The following SDK1 variants were observed in gnomAD, a reference collection of about 807,000 sequenced individuals.
The protein encoded by SDK1 is protein sidekick-1.
SDK1 carries 157 observed loss-of-function variants against 245.5 expected under a neutral mutation model. The observed-to-expected ratio is 0.64, with a 90% CI of 0.56 to 0.73. The LOEUF is 0.73. SDK1 is among the 30% of genes least tolerant of loss of function. The pLI is 0.00. For missense variants in SDK1, 3,583 were observed against 3,002.3 expected (o/e 1.19, Z -4.52); for synonymous variants, 1,647 against 1,278.5 (o/e 1.29, Z -6.15).
chr7:3,509,883 C>A (rs931623227), intron 1 of SDK1, among the ~76,000 whole-genome samples: 1 of 152,128 alleles, frequency 6.6e-6, no homozygotes, highest in Non-Finnish European at 1.5e-5. Flanking sequence ...TCAGACTGCA[C>A]GTTAGAATCA....
chr7:3,579,538 C>G (rs965209759), intron 1 of SDK1, among the ~76,000 whole-genome samples: 1 of 152,164 alleles, frequency 6.6e-6, no homozygotes, highest in Non-Finnish European at 1.5e-5. Flanking sequence ...ATAATAAGAG[C>G]CATCTATGAC....
intron 5 of SDK1, among the ~76,000 whole-genome samples, chr7:3,828,595 T>C (rs1779835355): frequency 6.6e-6 from 1 of 151,530 alleles, no homozygotes; most frequent in Non-Finnish European, 1.5e-5. Context: ...TTGTTTTGGT[T>C]TGGTTTGCCC....
At chr7:3,475,763 T>G (rs1781331190) in intron 1 of SDK1, among the ~76,000 whole-genome samples, 1 of 152,208 alleles carries the variant, frequency 6.6e-6, no homozygotes, top group South Asian at 2.1e-4. Context: ...TATATTATAT[T>G]TGTACAAGAC....
intron 1 of SDK1, among the ~76,000 whole-genome samples, chr7:3,571,452 A>G (rs1279276619): frequency 2.0e-5 from 3 of 151,886 alleles, no homozygotes; most frequent in Non-Finnish European, 4.4e-5. Flanking sequence ...ACAGGCCCGT[A>G]CCACCATGCC....
chr7:3,918,646 G>A (rs1186703429), intron 5 of SDK1, among the ~76,000 whole-genome samples: 1 of 152,142 alleles, frequency 6.6e-6, no homozygotes, highest in Non-Finnish European at 1.5e-5. Flanking sequence ...GAATCATCCT[G>A]AAACCATCCC....
At chr7:3,863,059 G>A (rs1340762833) in intron 5 of SDK1, among the ~76,000 whole-genome samples, 1 of 152,208 alleles carries the variant, frequency 6.6e-6, no homozygotes, top group Non-Finnish European at 1.5e-5. Flanking sequence ...ACCCATACCA[G>A]TCTGCGGCCT....
intron 1 of SDK1, among the ~76,000 whole-genome samples, chr7:3,585,417 A>G (rs1009549330): frequency 1.3e-5 from 2 of 152,242 alleles, no homozygotes; most frequent in African/African-American, 4.8e-5. Flanking sequence ...GAATGAGCGT[A>G]TAGGCTGCAT....
chr7:4,106,490 G>T (rs112610187), intron 22 of SDK1, among the ~76,000 whole-genome samples: 5,727 of 151,934 alleles, frequency 0.038, 154 homozygotes, highest in Non-Finnish European at 0.052. Flanking sequence ...GAAAGACAGG[G>T]TTTCACCATG....
Position 3,514,859 on chromosome 7 carries a change from C to T in SDK1, c.299-104221C>T, listed in dbSNP as rs114321738. Among the ~76,000 whole-genome samples the T allele has an allele frequency of 2.8e-3, 427 of 152,304 alleles. 2 individuals carry two copies. Among genetic ancestry groups the T allele is most frequent in the African/African-American group, 9.5e-3 (395 of 41,564 alleles). On this transcript the variant is annotated intron_variant, in intron 1 of 44. Transcript: ENST00000404826. ...CAGTGTAACAATCTTTGCCCCATCA[C>T]GCGTGCATGCGTGCATGCGTGCGCT...
intron 1 of SDK1, among the ~76,000 whole-genome samples, chr7:3,587,485 T>G (rs1271457485): frequency 1.3e-5 from 2 of 152,042 alleles, no homozygotes; most frequent in Admixed American, 1.3e-4. Flanking sequence ...AGTATGAGTC[T>G]AAAGGCCTAA....
intron 12 of SDK1, among the ~76,000 whole-genome samples, chr7:3,972,079 CTTTTT>C (rs10707387): frequency 8.1e-6 from 1 of 123,344 alleles, no homozygotes; most frequent in Non-Finnish European, 1.6e-5. Flanking sequence ...TGAGGGTTCT[CTTTTT>C]TTTTTTTTTT....
At chr7:4,247,285 G>A (rs1004942543) in intron 44 of SDK1, among the ~76,000 whole-genome samples, 1 of 152,176 alleles carries the variant, frequency 6.6e-6, no homozygotes, top group South Asian at 2.1e-4. Flanking sequence ...AGGTGGGTGT[G>A]GTGAGGCCGA....
At chr7:3,471,357 A>G (rs979829542) in intron 1 of SDK1, among the ~76,000 whole-genome samples, 3 of 152,198 alleles carry the variant, frequency 2.0e-5, no homozygotes, top group Admixed American at 1.3e-4. Context: ...AGTAAGTGGT[A>G]TTAGGAATCT....
At chr7:3,605,145 A>AACACACACACAC (rs3086077) in intron 1 of SDK1, among the ~76,000 whole-genome samples, 3,392 of 147,330 alleles carry the variant, frequency 0.023, 73 homozygotes, top group African/African-American at 0.044. Flanking sequence ...AAAAACAAGA[A>AACACACACACAC]ACACACACAC....
At chr7:3,422,376 A>T (rs978204662) in intron 1 of SDK1, among the ~76,000 whole-genome samples, 2 of 152,264 alleles carry the variant, frequency 1.3e-5, no homozygotes, top group African/African-American at 4.8e-5. Context: ...GCTTATATGC[A>T]ACCGATTAAC....
rs191171632 is a variant in SDK1, at chr7:4,241,774, C to G, written c.6131-19C>G. ...CACACCAGTAACACGTCTGTTCTCACTCTCCTGCTGGGCTTTAGGAAAGGG... is the reference window on the plus strand; with the variant it reads ...CACACCAGTAACACGTCTGTTCTCAGTCTCCTGCTGGGCTTTAGGAAAGGG... On this transcript the variant is annotated intron_variant, in intron 42 of 44. Transcript: ENST00000404826. The G allele has an allele frequency of 1.6e-3, 2,628 of 1,613,942 alleles. 21 individuals are homozygous for G. Among genetic ancestry groups the G allele is most frequent in the Non-Finnish European group, 7.4e-4 (875 of 1,179,950 alleles).
rs977154899 is a variant in SDK1 at position 4,265,468 on chromosome 7, G to T, written c.*84G>T. The T allele has an allele frequency of 1.5e-6, 2 of 1,373,852 alleles. No homozygotes were observed. Among genetic ancestry groups the T allele is most frequent in the Admixed American group, 7.3e-5 (2 of 27,376 alleles). 85.1% of individuals were successfully genotyped at this position (1,373,852 alleles called of 1,614,324 possible). ...GTTAAGACAATCAACTCCAATAACT[G>T]AGCTGAAGTTTTTGTTTAAAAAGAA... On this transcript the variant is annotated 3_prime_UTR_variant, in exon 45 of 45. Coordinates refer to ENST00000404826, the MANE Select transcript of SDK1 (RefSeq NM_152744.4).
chr7:4,077,939 G>A (rs1365351924), intron 21 of SDK1, among the ~76,000 whole-genome samples: 1 of 152,144 alleles, frequency 6.6e-6, no homozygotes, highest in Non-Finnish European at 1.5e-5. Context: ...TAGCGACCAA[G>A]GTTAACACTA....
At chr7:3,590,245 G>A (rs1780823207) in intron 1 of SDK1, among the ~76,000 whole-genome samples, 1 of 148,002 alleles carries the variant, frequency 6.8e-6, no homozygotes. Context: ...TTGAATTTTA[G>A]TGGATTTGAT....
Sources: allele counts gnomAD v4.1 joint callset (sites outside exome capture counted in the v4.1 genomes callset), GRCh38; gene constraint gnomAD v4.1.1; transcripts MANE v1.5; gene names NCBI Gene and HGNC (gene_info 2026-07-23, HGNC 2026-07-21).